The following GABRA3 variants were observed in gnomAD, a reference collection of about 807,000 sequenced individuals.
GABRA3 encodes gamma-aminobutyric acid receptor subunit alpha-3.
A neutral mutation model predicts 30.1 loss-of-function variants in GABRA3; 10 were observed. The observed-to-expected ratio is 0.33, with a 90% CI of 0.20 to 0.56. The LOEUF (loss-of-function observed/expected upper bound fraction) is 0.56. GABRA3 is among the 20% of genes least tolerant of loss of function. The probability of loss-of-function intolerance (pLI) is 0.89; values close to 1 mark genes in which losing one functional copy is unlikely to be tolerated. For missense variants in GABRA3, 233 were observed against 392.0 expected (o/e 0.59, Z 3.42); for synonymous variants, 151 against 146.8 (o/e 1.03, Z -0.21).
intron 6 of GABRA3, among the ~76,000 whole-genome samples, chrX:152,213,287 TTAGA>T (rs1937656065): frequency 8.9e-6 from 1 of 112,011 alleles, no homozygotes; most frequent in African/African-American, 3.2e-5. Flanking sequence ...AGGCATCATA[TTAGA>T]TAGTGAAGAT....
intron 8 of GABRA3, among the ~76,000 whole-genome samples, chrX:152,195,262 C>T (rs1299419206): frequency 1.8e-5 from 2 of 111,931 alleles, no homozygotes; most frequent in Non-Finnish European, 3.8e-5. Flanking sequence ...TCATATTTCA[C>T]ACAAAGCCCA....
chrX:152,275,009 T>C (rs1939018268), intron 4 of GABRA3, among the ~76,000 whole-genome samples: 1 of 99,498 alleles, frequency 1.0e-5, no homozygotes, highest in African/African-American at 3.7e-5. Context: ...TTGGGGTGTG[T>C]GTGTGGCATA....
intron 3 of GABRA3, among the ~76,000 whole-genome samples, chrX:152,324,126 G>A (rs1444412776): frequency 8.9e-6 from 1 of 112,026 alleles, no homozygotes; most frequent in Non-Finnish European, 1.9e-5. Flanking sequence ...ATTTGTTGGT[G>A]GAATCAGACA....
chrX:152,305,040 CATTT>C (rs1441328859), intron 3 of GABRA3, among the ~76,000 whole-genome samples: 5 of 111,355 alleles, frequency 4.5e-5, no homozygotes, highest in African/African-American at 6.5e-5. Context: ...ACATTTCATT[CATTT>C]ATTTTTTCTT....
At chrX:152,186,356 C>T (rs1198260017) in intron 9 of GABRA3, among the ~76,000 whole-genome samples, 4 of 109,652 alleles carry the variant, frequency 3.6e-5, no homozygotes, top group South Asian at 8.0e-4. Context: ...AGCATGCTAC[C>T]GTGCCCAGCT....
intron 2 of GABRA3, among the ~76,000 whole-genome samples, chrX:152,356,736 C>T (rs1940555497): frequency 9.0e-6 from 1 of 111,388 alleles, no homozygotes; most frequent in African/African-American, 3.3e-5. Context: ...TATACTCACC[C>T]TCCTTCCACA....
chrX:152,280,411 T>A (rs1200777286), intron 4 of GABRA3, among the ~76,000 whole-genome samples: 1 of 111,401 alleles, frequency 9.0e-6, no homozygotes, highest in Admixed American at 9.6e-5. Context: ...GAAGTAGACA[T>A]AGCTACTTTT....
At chrX:152,382,925 G>A (rs891963794) in intron 1 of GABRA3, among the ~76,000 whole-genome samples, 1 of 111,784 alleles carries the variant, frequency 8.9e-6, no homozygotes, top group African/African-American at 3.3e-5. Flanking sequence ...GATTACAACT[G>A]CTTTATAATA....
At chrX:152,261,357 TA>T (rs971924620) in intron 4 of GABRA3, among the ~76,000 whole-genome samples, 6 of 111,661 alleles carry the variant, frequency 5.4e-5, no homozygotes, top group African/African-American at 2.0e-4. Context: ...ACTCCAGCAT[TA>T]ACTCAAAAGT....
At chrX:152,374,632 G>A (rs1381704470) in intron 1 of GABRA3, among the ~76,000 whole-genome samples, 2 of 111,535 alleles carry the variant, frequency 1.8e-5, no homozygotes, top group Non-Finnish European at 3.8e-5. Context: ...TTACAGGCGT[G>A]AGCCACCGCG....
At chrX:152,284,937 A>T (rs2124439352) in intron 3 of GABRA3, among the ~76,000 whole-genome samples, 1 of 111,750 alleles carries the variant, frequency 8.9e-6, no homozygotes, top group African/African-American at 3.2e-5. Context: ...AGTATCATTG[A>T]AAATGACAGC....
At chrX:152,359,567 ATTTTTG>A (rs1928421714) in intron 2 of GABRA3, among the ~76,000 whole-genome samples, 44 of 109,394 alleles carry the variant, frequency 4.0e-4, no homozygotes, top group Admixed American at 3.8e-3. Context: ...TTCAGCTCTG[ATTTTTG>A]TTATTTCTTG....
chrX:152,248,757 G>A (rs1311708225), intron 5 of GABRA3, among the ~76,000 whole-genome samples: 1 of 111,550 alleles, frequency 9.0e-6, no homozygotes, highest in African/African-American at 3.2e-5. Context: ...CTATCATACT[G>A]CATGGTGACT....
intron 5 of GABRA3, among the ~76,000 whole-genome samples, chrX:152,254,792 C>T (rs764132254): frequency 9.0e-6 from 1 of 111,722 alleles, no homozygotes; most frequent in Non-Finnish European, 1.9e-5. Context: ...ATAACAAATA[C>T]ACCAATTCTA....
At chrX:152,337,126 T>A (rs777703274) in intron 3 of GABRA3, among the ~76,000 whole-genome samples, 1 of 112,014 alleles carries the variant, frequency 8.9e-6, no homozygotes, top group South Asian at 3.7e-4. Flanking sequence ...TGTGATAATT[T>A]AATATATTCA....
chrX:152,337,736 G>A (rs1020159955), intron 3 of GABRA3, among the ~76,000 whole-genome samples: 1 of 111,502 alleles, frequency 9.0e-6, no homozygotes, highest in East Asian at 2.8e-4. Context: ...GGAAGATCCC[G>A]TGAGCCCAGG....
intron 1 of GABRA3, among the ~76,000 whole-genome samples, chrX:152,408,287 C>CT (rs776543025): frequency 9.0e-6 from 1 of 111,237 alleles, no homozygotes; most frequent in South Asian, 3.8e-4. Context: ...TCAAATTATC[C>CT]TTTTTTGCAG....
At chrX:152,326,533 G>A (rs1221926280) in intron 3 of GABRA3, among the ~76,000 whole-genome samples, 2 of 111,881 alleles carry the variant, frequency 1.8e-5, no homozygotes, top group Non-Finnish European at 3.8e-5. Flanking sequence ...AGCCAGAAGA[G>A]AGTGGGGGCC....
intron 3 of GABRA3, among the ~76,000 whole-genome samples, chrX:152,315,084 A>G (rs1022316597): frequency 1.8e-5 from 2 of 111,666 alleles, no homozygotes; most frequent in African/African-American, 6.5e-5. Flanking sequence ...GAACTACTGC[A>G]GGAATATACC....
Sources: gnomAD v4.1 joint callset for allele counts (sites outside exome capture counted in the v4.1 genomes callset) on GRCh38, gnomAD v4.1.1 for gene constraint, MANE v1.5 for transcripts, NCBI Gene and HGNC (gene_info 2026-07-23, HGNC 2026-07-21) for gene names.